The following MICALL2 variants were observed in gnomAD, a reference collection of about 807,000 sequenced individuals.
The protein encoded by MICALL2 is MICAL like 2.
MICALL2 carries 111 observed loss-of-function variants against 91.1 expected under a neutral mutation model. The observed-to-expected ratio is 1.22, with a 90% confidence interval of 1.04 to 1.43. MICALL2 has a LOEUF of 1.43. Ranked by LOEUF, MICALL2 falls within the 40% of genes most tolerant of loss-of-function variation. MICALL2 has a pLI of 0.00. For missense variants in MICALL2, 1,556 were observed against 1,236.0 expected, an observed-to-expected ratio of 1.26 and a Z score of -3.88; for synonymous variants, 694 against 525.3, an observed-to-expected ratio of 1.32 and a Z score of -4.39.
At position 1,459,351 on chromosome 7, in the gene MICALL2, C is replaced by G; in HGVS notation, c.-25G>C. 6.8e-7 allele frequency: 1 copy of G among 1,470,892 alleles called. No individual in the cohort carries two copies. Among genetic ancestry groups the G allele is most frequent in the Non-Finnish European group, 9.0e-7 (1 of 1,108,294 alleles). 91.1% of individuals were successfully genotyped at this position (1,470,892 alleles called of 1,614,324 possible). A position where few individuals can be genotyped will look rare whatever the true frequency, so the allele number is the denominator to read the frequency against. On this transcript the variant is annotated 5_prime_UTR_variant, in exon 1 of 17. Transcript: ENST00000297508. ...TGTGGGCGGCGCGCCCGCCGCGCGGCGGAACCGCCCTCCGACACCTTCCCG... is the reference window on the plus strand; with the variant it reads ...TGTGGGCGGCGCGCCCGCCGCGCGGGGGAACCGCCCTCCGACACCTTCCCG...
chr7:1,456,403 T>C (rs1249243867), intron 1 of MICALL2, among the ~76,000 whole-genome samples: 1 of 152,140 alleles, frequency 6.6e-6, no homozygotes, highest in African/African-American at 2.4e-5. Flanking sequence ...CTGGCCAACA[T>C]GGCAAAACCC....
rs1378793748 is a variant in MICALL2, at chr7:1,434,476, GGTCCGGGCCGAGCCCA to G, written c.*104_*119del. Reference sequence around the variant, plus strand: ...TTCCCGAGTCCAAGTCCGAATGCCGGGTCCGGGCCGAGCCCACGGCCCCGAGTACAAGTCCGGGTTC... The same window carrying G: ...TTCCCGAGTCCAAGTCCGAATGCCGGCGGCCCCGAGTACAAGTCCGGGTTC... On this transcript the variant is annotated 3_prime_UTR_variant, in exon 17 of 17. Transcript: ENST00000297508. 2.3e-6 allele frequency: 2 copies of G among 881,432 alleles called. No homozygotes were observed. The highest frequency in any genetic ancestry group is 3.8e-6 in the Non-Finnish European group (2 of 528,042). The allele number at this position is 881,432 out of a possible 1,614,324, so 54.6% of individuals were successfully genotyped here. A position where few individuals can be genotyped will look rare whatever the true frequency, so the allele number is the denominator to read the frequency against.
intron 1 of MICALL2, among the ~76,000 whole-genome samples, chr7:1,457,982 C>T (rs970208111): frequency 6.6e-6 from 1 of 152,262 alleles, no homozygotes; most frequent in Non-Finnish European, 1.5e-5. Context: ...GCACCTTGTG[C>T]CCAGCATCTT....
chr7:1,437,120 C>T (rs1269462765), intron 14 of MICALL2: 7 of 479,180 alleles, frequency 1.5e-5, no homozygotes, highest in East Asian at 3.7e-5. Context: ...CTCAGGGCGT[C>T]GCTGTCCCTG....
chr7:1,445,512 T>C lies in MICALL2; in HGVS notation c.642-84A>G. ...ACCACGTGCTCCTGATAGCAGGCATTGCGGACTCCTGTGTCCACTTGCGAG... is the reference window on the plus strand; with the variant it reads ...ACCACGTGCTCCTGATAGCAGGCATCGCGGACTCCTGTGTCCACTTGCGAG... On this transcript the variant is annotated intron_variant, in intron 5 of 16. Coordinates refer to ENST00000297508, the MANE Select transcript of MICALL2 (RefSeq NM_182924.4). The C allele has an allele frequency of 8.4e-6, 11 of 1,303,192 alleles. 1 individual carries two copies. The South Asian group carries it at 1.4e-4, about 16-fold the overall frequency. 80.7% of individuals were successfully genotyped at this position (1,303,192 alleles called of 1,614,324 possible).
chr7:1,444,294 G>A (rs530247735), intron 6 of MICALL2, among the ~76,000 whole-genome samples: 3 of 151,516 alleles, frequency 2.0e-5, no homozygotes, highest in African/African-American at 2.4e-5. Flanking sequence ...ACCCGCCAGC[G>A]TGGGTCCCGC....
intron 14 of MICALL2, 97 bp from the exon 15 acceptor site, chr7:1,436,953 TG>T (rs1254108935): frequency 1.1e-6 from 1 of 885,936 alleles, no homozygotes; most frequent in Non-Finnish European, 1.6e-6. Flanking sequence ...GCTCCTCTTT[TG>T]GAGGAAGAAG....
At chr7:1,436,969 G>A in intron 14 of MICALL2, 113 bp from the exon 15 acceptor site, 1 of 703,140 alleles carries the variant, frequency 1.4e-6, no homozygotes. Context: ...AAGAAGGTGG[G>A]GTCTTGGGGG....
rs963912024 is a variant in MICALL2 at position 1,452,419 on chromosome 7, C to T, written c.144-2131G>A. 3.4e-4 allele frequency among the ~76,000 whole-genome samples: 52 copies of T among 152,076 alleles called. No homozygotes were observed. Among genetic ancestry groups the T allele is most frequent in the African/African-American group, 1.2e-3 (49 of 41,390 alleles). The stretch of plus-strand genomic sequence containing the variant: ...CCCCCAGGGCTTAGGAGCCGGCTCT[C>T]CCTCCCTCTCTCCCCGCCCCCAGCC... On this transcript the variant is annotated intron_variant, in intron 1 of 16. Transcript: ENST00000297508. This position sits in a 1 kb window ranked among gnomAD's most constrained non-coding sequence, Gnocchi z 6.2.
Position 1,434,934 on chromosome 7 carries a change from G to C in MICALL2, c.2638+167C>G, listed in dbSNP as rs1272285609. 3 of 810,516 alleles carry C rather than the reference G, an allele frequency of 3.7e-6. No homozygotes were observed. In the African/African-American group the frequency reaches 5.1e-5, roughly 14 times the overall value. 50.2% of individuals were successfully genotyped at this position (810,516 alleles called of 1,614,324 possible). On this transcript the variant is annotated intron_variant, in intron 16 of 16. Transcript: ENST00000297508. ...GGGCGGGAGGGAGCTCTCACCCTCA[G>C]GGTGAACCTGCCTGTCCTGTCACCA...
intron 1 of MICALL2, among the ~76,000 whole-genome samples, chr7:1,450,992 C>CAGCG (rs1461322598): frequency 6.6e-6 from 1 of 152,212 alleles, no homozygotes; most frequent in African/African-American, 2.4e-5. Context: ...CCAGGTCACA[C>CAGCG]AGCGGGGAGA....
intron 3 of MICALL2, 104 bp from the exon 4 acceptor site, chr7:1,447,869 G>A: frequency 1.1e-6 from 1 of 899,800 alleles, no homozygotes; most frequent in African/African-American, 1.7e-5. Flanking sequence ...GTGCCCGGGG[G>A]GGACCTGGGG....
intron 6 of MICALL2, among the ~76,000 whole-genome samples, chr7:1,444,396 C>G (rs1780459957): frequency 6.6e-6 from 1 of 152,226 alleles, no homozygotes; most frequent in Non-Finnish European, 1.5e-5. Context: ...GCAGCGCCAC[C>G]GCACCCATGA....
At chr7:1,443,644 CAG>C (rs1267538780) in intron 6 of MICALL2, among the ~76,000 whole-genome samples, 1 of 152,014 alleles carries the variant, frequency 6.6e-6, no homozygotes, top group East Asian at 1.9e-4. Context: ...AGAAGACAGA[CAG>C]AGAGAAGGCC....
Position 1,434,513 on chromosome 7 carries a change from G to T in MICALL2, c.*83C>A. On this transcript the variant is annotated 3_prime_UTR_variant, in exon 17 of 17. Coordinates refer to ENST00000297508, the MANE Select transcript of MICALL2 (RefSeq NM_182924.4). ...GCCCACGGCCCCGAGTACAAGTCCGGGTTCCGGGTCCGGGCCAAGCCCATG... is the reference window on the plus strand; with the variant it reads ...GCCCACGGCCCCGAGTACAAGTCCGTGTTCCGGGTCCGGGCCAAGCCCATG... The T allele has an allele frequency of 7.9e-7, 1 of 1,272,918 alleles. No homozygotes were observed. The highest frequency in any genetic ancestry group is 1.1e-6 in the Non-Finnish European group (1 of 870,706). The allele number at this position is 1,272,918 out of a possible 1,614,324, so 78.9% of individuals were successfully genotyped here. A position where few individuals can be genotyped will look rare whatever the true frequency, so the allele number is the denominator to read the frequency against.
At position 1,447,712 on chromosome 7, in the gene MICALL2, A is replaced by C. The variant is rs1462356420; in HGVS notation, c.388T>G (p.Ser130Ala). 2 of 1,577,414 alleles carry C rather than the reference A, an allele frequency of 1.3e-6. No individual in the cohort carries two copies. The highest frequency in any genetic ancestry group is 1.7e-6 in the Non-Finnish European group (2 of 1,162,714). Residue 130 changes from serine (S) to alanine (A), a missense_variant, in exon 4 of 17, where the codon TCA (serine) becomes GCA (alanine). Transcript: ENST00000297508. ...GCCTGGACTGGAGCCTTCTTCCCTG[A>C]CGGCTCCTCCTCAGAGTCCTCCGAG... Reference protein sequence around the residue: ...RASEDSEEEPSGKKAPVQAAK... With the variant: ...RASEDSEEEPAGKKAPVQAAK...
chr7:1,445,000 G>C lies in MICALL2; in HGVS notation c.1070C>G (p.Ala357Gly), dbSNP rs751473342. ...GGGCACGGCGGGATGGGAGGCAGCC[G>C]CTGCTGTGCACGGGGCAGCTGACGA... is the stretch of plus-strand genomic sequence containing the variant. ...GWSSAAPCTA[A>G]AASHPAVPPS... is the part of the protein sequence containing the mutation. The change falls in exon 6 of 17, where the codon GCG becomes GGG. Residue 357 changes from alanine (A) to glycine (G), a missense_variant. Ala to Gly is a moderately conservative substitution (Grantham distance 60). Transcript: ENST00000297508. 21 of 1,510,842 alleles carry C rather than the reference G, an allele frequency of 1.4e-5. No homozygotes were observed. In the East Asian group the frequency reaches 5.2e-4, roughly 37 times the overall value. 93.6% of individuals were successfully genotyped at this position (1,510,842 alleles called of 1,614,324 possible).
chr7:1,434,730 C>T, intron 16 of MICALL2, 58 bp from the exon 17 acceptor site: 1 of 1,466,050 alleles, frequency 6.8e-7, no homozygotes, highest in East Asian at 2.3e-5. Flanking sequence ...CAGCCGTGGC[C>T]CACACAAGTC....
chr7:1,446,117 C>A (rs755850907), intron 5 of MICALL2, among the ~76,000 whole-genome samples: 2 of 123,436 alleles, frequency 1.6e-5, no homozygotes, highest in Non-Finnish European at 3.4e-5. Flanking sequence ...AGTAGAACAT[C>A]TTGGGCTATC....
Sources: allele counts gnomAD v4.1 joint callset (sites outside exome capture counted in the v4.1 genomes callset), GRCh38; gene constraint gnomAD v4.1.1; non-coding constraint Gnocchi (gnomAD v3.1); transcripts MANE v1.5; gene names NCBI Gene and HGNC (gene_info 2026-07-23, HGNC 2026-07-21).